PDK3: variants seen among roughly 807,000 people sequenced by gnomAD.
PDK3 encodes pyruvate dehydrogenase kinase, isozyme 3.
Under a neutral mutation model 32.0 loss-of-function variants are expected in PDK3, and 12 were observed. The ratio of observed to expected loss-of-function variants is 0.37; its 90% CI spans 0.24 to 0.61. The LOEUF (loss-of-function observed/expected upper bound fraction) is 0.61, where lower values mean the gene tolerates loss of function less well. PDK3 is among the 20% of genes least tolerant of loss of function. PDK3 has a pLI of 0.65. For synonymous variants in PDK3, 122 were observed against 116.3 expected (o/e 1.05, Z -0.31); for missense variants, 188 against 316.9 (o/e 0.59, Z 3.09).
chrX:24,482,704 A>G (rs1282117862), intron 1 of PDK3, among the ~76,000 whole-genome samples: 2 of 112,393 alleles, frequency 1.8e-5, no homozygotes, highest in South Asian at 3.6e-4. Flanking sequence ...CTTACTTACA[A>G]TGAAATAATT....
chrX:24,508,164 G>A (rs1413108316), intron 5 of PDK3, among the ~76,000 whole-genome samples: 1 of 111,734 alleles, frequency 8.9e-6, no homozygotes, highest in Non-Finnish European at 1.9e-5. Context: ...CATGGCAGAA[G>A]GGTGAAGGGG....
intron 1 of PDK3, among the ~76,000 whole-genome samples, chrX:24,487,506 T>A (rs12689356): frequency 0.057 from 6,349 of 111,434 alleles, 164 homozygotes; most frequent in Admixed American, 0.079. Context: ...AAGTTGAAAA[T>A]TTTTTTTAAA....
At chrX:24,511,159 C>T (rs1922107802) in intron 5 of PDK3, among the ~76,000 whole-genome samples, 1 of 112,406 alleles carries the variant, frequency 8.9e-6, no homozygotes, top group South Asian at 3.7e-4. Context: ...ACCAGCTCTT[C>T]TTACCAATCC....
Position 24,533,970 on chromosome X carries a change from T to C in PDK3, c.1119T>C (p.Asn373=). ...SESFERLPVF[N]KSAWRHYKTT... is the part of the protein sequence containing the mutation. ...CATTTGAGAGACTTCCAGTTTTTAA[T>C]AAGTCCGCATGGCGCCATTACAAGA... The change falls in exon 11 of 11, where the codon AAT becomes AAC. Residue 373 remains asparagine (N), a synonymous_variant. Coordinates refer to ENST00000379162, the MANE Select transcript of PDK3 (RefSeq NM_005391.5). 8.3e-7 allele frequency: 1 copy of C among 1,207,988 alleles called. No individual in the cohort carries two copies. Among genetic ancestry groups the C allele is most frequent in the South Asian group, 1.8e-5 (1 of 56,081 alleles).
chrX:24,505,912 C>T (rs1361814965), intron 5 of PDK3, among the ~76,000 whole-genome samples: 1 of 111,486 alleles, frequency 9.0e-6, no homozygotes, highest in Admixed American at 9.6e-5. Flanking sequence ...CACCAGGTAC[C>T]TCTTCAGTTT....
chrX:24,505,141 A>G (rs2148192338), intron 4 of PDK3, 68 bp from the exon 5 acceptor site: 1 of 739,479 alleles, frequency 1.4e-6, no homozygotes, highest in African/African-American at 2.1e-5. Context: ...AAGCCCCTAT[A>G]TTTCCCTGTG....
At chrX:24,514,794 C>T (rs1298427775) in intron 5 of PDK3, among the ~76,000 whole-genome samples, 1 of 111,595 alleles carries the variant, frequency 9.0e-6, no homozygotes, top group East Asian at 2.8e-4. Flanking sequence ...AGGGAAGTGG[C>T]CTAGCTTCTC....
At chrX:24,509,024 C>G (rs1444586406) in intron 5 of PDK3, among the ~76,000 whole-genome samples, 1 of 111,941 alleles carries the variant, frequency 8.9e-6, no homozygotes, top group African/African-American at 3.2e-5. Flanking sequence ...GCCTATTTGT[C>G]TCTCTCTATC....
At chrX:24,527,293 G>GAA (rs758129546) in intron 7 of PDK3, among the ~76,000 whole-genome samples, 1 of 76,039 alleles carries the variant, frequency 1.3e-5, no homozygotes, top group Non-Finnish European at 2.6e-5. Flanking sequence ...ACCGTAAAGC[G>GAA]AAAAAAAAAA....
In PDK3 at chrX:24,525,357, A is replaced by G. The variant is rs1922498170; in HGVS notation, c.674-841A>G. Among the ~76,000 whole-genome samples the G allele has an allele frequency of 2.7e-5, 3 of 111,037 alleles. No homozygotes were observed. The South Asian group carries it at 1.1e-3, about 43-fold the overall frequency. ...CCAGGAAGTGTTGTCAGGAGGAGTC[A>G]ATTGAATAATGTATGTGAAAGCTCT... is the stretch of plus-strand genomic sequence containing the variant. On this transcript the variant is annotated intron_variant, in intron 6 of 10. Transcript: ENST00000379162.
At position 24,465,451 on chromosome X, in the gene PDK3, C is replaced by T; in HGVS notation, c.-5C>T. Reference sequence around the variant, plus strand: ...TAGGCGGGTCTGTGCGCCGCCCGGGCGAGGATGCGGCTGTTCCGGTGGCTG... The same window carrying T: ...TAGGCGGGTCTGTGCGCCGCCCGGGTGAGGATGCGGCTGTTCCGGTGGCTG... On this transcript the variant is annotated 5_prime_UTR_variant, in exon 1 of 11. Transcript: ENST00000379162. 8.4e-7 allele frequency: 1 copy of T among 1,196,283 alleles called. No individual in the cohort carries two copies. The highest frequency in any genetic ancestry group is 1.1e-6 in the Non-Finnish European group (1 of 884,153).
At chrX:24,470,697 AAAAAAAAAAAAAAG>A (rs1306711229) in intron 1 of PDK3, among the ~76,000 whole-genome samples, 1 of 104,361 alleles carries the variant, frequency 9.6e-6, no homozygotes, top group Non-Finnish European at 2.0e-5. Context: ...CAAAAAAAAA[AAAAAAAAAAAAAAG>A]AAGAAAAGAA....
chrX:24,542,980 G>A (rs1454565899), exon 12 of PDK3, among the ~76,000 whole-genome samples: 1 of 112,056 alleles, frequency 8.9e-6, no homozygotes, highest in African/African-American at 3.2e-5. Flanking sequence ...GCTACTTTAT[G>A]GTTGTCCATA....
chrX:24,502,598 C>A (rs1192809177), intron 3 of PDK3, among the ~76,000 whole-genome samples: 1 of 111,885 alleles, frequency 8.9e-6, no homozygotes, highest in African/African-American at 3.3e-5. Flanking sequence ...CTGTATGAGA[C>A]ACTTTAGGAG....
rs1440092591 is a variant in PDK3 at position 24,505,211 on chromosome X, C to G, written c.508C>G (p.Leu170Val). ...SFRMLINQHT[L>V]LFGGDTNPVH... ...CCTTTCCTTTTGTGTTCGTCTAGCACTTCTGTTTGGGGGTGACACTAATCC... is the reference window on the plus strand; with the variant it reads ...CCTTTCCTTTTGTGTTCGTCTAGCAGTTCTGTTTGGGGGTGACACTAATCC... Residue 170 changes from leucine to valine, a missense_variant and splice_region_variant, in exon 5 of 11, where the codon CTT (leucine) becomes GTT (valine). Physicochemically the swap from Leu to Val is conservative, Grantham distance 32. Transcript: ENST00000379162. 3 of 1,199,461 alleles carry G rather than the reference C, an allele frequency of 2.5e-6. No homozygotes were observed. The highest frequency in any genetic ancestry group is 3.4e-6 in the Non-Finnish European group (3 of 886,416).
chrX:24,497,319 C>T (rs188255126), intron 2 of PDK3, among the ~76,000 whole-genome samples: 84 of 111,682 alleles, frequency 7.5e-4, no homozygotes, highest in South Asian at 3.7e-3. Context: ...GAGTCTTGCT[C>T]AGTCGCCCAG....
intron 10 of PDK3, 77 bp downstream of exon 10, chrX:24,531,847 C>A: frequency 2.0e-6 from 1 of 498,090 alleles, no homozygotes. Context: ...TTGAGAACAG[C>A]ACTGTATCAT....
At chrX:24,537,133 T>A (rs749901989), downstream of PDK3, among the ~76,000 whole-genome samples, 2 of 103,143 alleles carry the variant, frequency 1.9e-5, no homozygotes, top group African/African-American at 3.5e-5. Context: ...TTTTTTTTTT[T>A]TTGAGACAGA....
intron 1 of PDK3, among the ~76,000 whole-genome samples, chrX:24,483,655 G>T (rs1921319420): frequency 8.9e-6 from 1 of 112,054 alleles, no homozygotes; most frequent in African/African-American, 3.2e-5. Flanking sequence ...TATTTGCTAT[G>T]TTAAGTTTGT....
Sources: gnomAD v4.1 joint callset for allele counts (sites outside exome capture counted in the v4.1 genomes callset) on GRCh38, gnomAD v4.1.1 for gene constraint, MANE v1.5 for transcripts, NCBI Gene and HGNC (gene_info 2026-07-23, HGNC 2026-07-21) for gene names.